CPAMD8: variants seen among roughly 807,000 people sequenced by gnomAD.
CPAMD8 encodes the protein C3 and PZP like alpha-2-macroglobulin domain containing 8, also known as C3 and PZP-like alpha-2-macroglobulin domain-containing protein 8.
In CPAMD8, 146 loss-of-function variants were observed where a neutral mutation model predicts 224.7. The ratio of observed to expected loss-of-function variants is 0.65; its 90% CI spans 0.57 to 0.75. The LOEUF (loss-of-function observed/expected upper bound fraction) is 0.75, where lower values mean the gene tolerates loss of function less well. CPAMD8 is among the 30% of genes least tolerant of loss of function. CPAMD8 has a pLI of 0.00. For missense variants in CPAMD8, 2,301 were observed against 2,537.5 expected (o/e 0.91, Z 2.00); for synonymous variants, 966 against 1,044.6 (o/e 0.92, Z 1.45).
chr19:16,976,248 G>A, intron 15 of CPAMD8, 97 bp from the exon 16 acceptor site: 1 of 974,286 alleles, frequency 1.0e-6, no homozygotes, highest in South Asian at 1.7e-5. Context: ...GGCCGAGGCG[G>A]GTGGATCACC....
chr19:16,951,497 T>A (rs533064422), intron 20 of CPAMD8, among the ~76,000 whole-genome samples: 1 of 152,244 alleles, frequency 6.6e-6, no homozygotes, highest in South Asian at 2.1e-4. Flanking sequence ...CTAGGTTGCT[T>A]TTATGCTATA....
intron 3 of CPAMD8, 36 bp from the exon 4 acceptor site, chr19:17,011,793 C>T (rs761363878): frequency 2.5e-6 from 4 of 1,601,930 alleles, no homozygotes; most frequent in Non-Finnish European, 2.6e-6. Flanking sequence ...GACAAGAATT[C>T]ACCCTGGAAT....
intron 1 of CPAMD8, among the ~76,000 whole-genome samples, chr19:17,023,434 A>G (rs978548351): frequency 6.6e-6 from 1 of 152,142 alleles, no homozygotes; most frequent in Non-Finnish European, 1.5e-5. Flanking sequence ...CACAATCACC[A>G]AGAGCATTAT....
chr19:17,007,532 TGAAGAA>T (rs1018763881), intron 7 of CPAMD8, among the ~76,000 whole-genome samples: 5 of 149,868 alleles, frequency 3.3e-5, no homozygotes, highest in Admixed American at 6.7e-5. Flanking sequence ...AGAAGGAAGA[TGAAGAA>T]GAAGAAAAGA....
chr19:16,926,662 A>G (rs1178191871), intron 25 of CPAMD8, among the ~76,000 whole-genome samples: 5 of 152,082 alleles, frequency 3.3e-5, no homozygotes, highest in African/African-American at 1.2e-4. Context: ...TGAGGCTGCC[A>G]TTGCCCCTAC....
chr19:16,979,463 T>C (rs2055422826), intron 14 of CPAMD8, among the ~76,000 whole-genome samples: 1 of 146,280 alleles, frequency 6.8e-6, no homozygotes, highest in Non-Finnish European at 1.5e-5. Flanking sequence ...CCCATCCATC[T>C]GTCCATTCAT....
At chr19:16,909,492 C>T (rs1168067484) in intron 29 of CPAMD8, among the ~76,000 whole-genome samples, 3 of 151,930 alleles carry the variant, frequency 2.0e-5, no homozygotes, top group East Asian at 1.9e-4. Flanking sequence ...TGCAATGAGC[C>T]GAGATCGCGC....
chr19:16,953,499 A>G (rs2054362733), intron 19 of CPAMD8, among the ~76,000 whole-genome samples: 1 of 151,806 alleles, frequency 6.6e-6, no homozygotes, highest in Admixed American at 6.6e-5. Context: ...CAGGAGTTTG[A>G]GACCAGCCTG....
intron 1 of CPAMD8, among the ~76,000 whole-genome samples, chr19:17,025,479 G>A (rs1223546838): frequency 6.6e-6 from 1 of 152,104 alleles, no homozygotes; most frequent in Non-Finnish European, 1.5e-5. Context: ...ATAAGGCAGG[G>A]TCTCTCATTG....
intron 8 of CPAMD8, 75 bp downstream of exon 8, chr19:17,004,198 A>G (rs940101440): frequency 7.8e-6 from 8 of 1,025,046 alleles, no homozygotes; most frequent in Non-Finnish European, 1.2e-5. Flanking sequence ...GAGCCCTTGC[A>G]CCCGGCCTTC....
At chr19:17,004,624 GT>G (rs2056433794) in intron 7 of CPAMD8, among the ~76,000 whole-genome samples, 1 of 152,124 alleles carries the variant, frequency 6.6e-6, no homozygotes, top group African/African-American at 2.4e-5. Flanking sequence ...TGGACCCGCG[GT>G]TCCCGGGACA....
intron 13 of CPAMD8, among the ~76,000 whole-genome samples, chr19:16,985,022 A>G (rs1301596529): frequency 1.3e-5 from 2 of 152,352 alleles, no homozygotes; most frequent in Middle Eastern, 3.4e-3. Context: ...CCTATGAATT[A>G]GACAATATAA....
intron 23 of CPAMD8, among the ~76,000 whole-genome samples, chr19:16,936,446 A>G (rs2053685938): frequency 6.6e-6 from 1 of 152,128 alleles, no homozygotes; most frequent in Admixed American, 6.6e-5. Flanking sequence ...TCTGTCACCC[A>G]GGCTGGAGTG....
intron 10 of CPAMD8, among the ~76,000 whole-genome samples, chr19:17,000,036 C>T (rs760277255): frequency 1.7e-4 from 26 of 152,112 alleles, no homozygotes; most frequent in African/African-American, 5.8e-4. Context: ...ATCAAAATAT[C>T]GATAGTGGTC....
At chr19:16,952,476 G>A (rs542976042) in intron 19 of CPAMD8, among the ~76,000 whole-genome samples, 11 of 152,190 alleles carry the variant, frequency 7.2e-5, no homozygotes, top group Admixed American at 2.0e-4. Context: ...CAGGAGTTCC[G>A]GACCACCCTA....
intron 10 of CPAMD8, among the ~76,000 whole-genome samples, chr19:16,998,229 A>C (rs1178585107): frequency 2.0e-5 from 3 of 152,134 alleles, no homozygotes; most frequent in African/African-American, 7.2e-5. Flanking sequence ...GAAGGCCAGC[A>C]GCGGCAGATC....
intron 16 of CPAMD8, among the ~76,000 whole-genome samples, chr19:16,975,498 G>A (rs1375970030): frequency 6.6e-6 from 1 of 152,052 alleles, no homozygotes; most frequent in Non-Finnish European, 1.5e-5. Context: ...CTTGTGCAAA[G>A]GAGTTCGAGA....
Position 16,903,802 on chromosome 19 carries a change from C to A in CPAMD8, c.4307G>T (p.Gly1436Val). 3 of 1,614,170 alleles carry A rather than the reference C, an allele frequency of 1.9e-6. No homozygotes were observed. Among genetic ancestry groups the A allele is most frequent in the Non-Finnish European group, 2.5e-6 (3 of 1,180,012 alleles). Reference protein sequence around the residue: ...LAEYAILSYAGGINLTVSLAS... With the variant: ...LAEYAILSYAVGINLTVSLAS... Reference sequence around the variant, plus strand: ...CAGGGAGACAGTGAGGTTGATGCCTCCAGCATAGGACAAGATGGCATATTC... The same window carrying A: ...CAGGGAGACAGTGAGGTTGATGCCTACAGCATAGGACAAGATGGCATATTC... Residue 1436 changes from glycine to valine, a missense_variant, in exon 33 of 42, where the codon GGA becomes GTA. Physicochemically the swap from Gly to Val is moderately radical, Grantham distance 109. Coordinates refer to ENST00000443236, the MANE Select transcript of CPAMD8 (RefSeq NM_015692.5).
intron 29 of CPAMD8, among the ~76,000 whole-genome samples, chr19:16,913,723 T>A (rs8102899): frequency 6.6e-6 from 1 of 151,988 alleles, no homozygotes; most frequent in African/African-American, 2.4e-5. Context: ...ACATTGTGCA[T>A]GGTGGGGGCG....
Sources: gnomAD v4.1 joint callset for allele counts (sites outside exome capture counted in the v4.1 genomes callset) on GRCh38, gnomAD v4.1.1 for gene constraint, MANE v1.5 for transcripts, NCBI Gene and HGNC (gene_info 2026-07-23, HGNC 2026-07-21) for gene names.